SCN3B: variants seen among roughly 807,000 people sequenced by gnomAD.
SCN3B encodes sodium voltage-gated channel beta subunit 3, also known as sodium channel regulatory subunit beta-3.
SCN3B carries 11 observed loss-of-function variants against 25.4 expected under a neutral mutation model. That is an observed-to-expected ratio of 0.43 (90% CI 0.27 to 0.72). The LOEUF is 0.72. Ranked by LOEUF, SCN3B falls within the 30% of genes least tolerant of loss-of-function variation. SCN3B has a pLI of 0.18. For missense variants in SCN3B, 218 were observed against 278.3 expected, an observed-to-expected ratio of 0.78 and a Z score of 1.54; for synonymous variants, 109 against 110.7, an observed-to-expected ratio of 0.99 and a Z score of 0.09.
In SCN3B at chr11:123,634,103, C is replaced by T. The variant is rs748142517; in HGVS notation, c.*22+18G>A. 1.9e-6 allele frequency: 3 copies of T among 1,591,398 alleles called. No individual in the cohort carries two copies. The highest frequency in any genetic ancestry group is 2.6e-6 in the Non-Finnish European group (3 of 1,159,696). On this transcript the variant is annotated intron_variant, in intron 6 of 6. Coordinates refer to ENST00000299333, the MANE Select transcript of SCN3B (RefSeq NM_001040151.2). The stretch of plus-strand genomic sequence containing the variant: ...GCCATCCACATCTGCCTTCCCCTCC[C>T]ATGTTCCTGTAGGTCACCTCATGTC...
In SCN3B at chr11:123,642,706, G is replaced by A. The variant is rs1304433340; in HGVS notation, c.220-35C>T. The A allele has an allele frequency of 6.5e-7, 1 of 1,549,732 alleles. No homozygotes were observed. Among genetic ancestry groups the A allele is most frequent in the South Asian group, 1.1e-5 (1 of 89,656 alleles). Reference sequence around the variant, plus strand: ...GAGGAGCAGAAGAGGGTAGGGCCAGGAAAGGAGATGGCAGTGGGGGGAAGC... The same window carrying A: ...GAGGAGCAGAAGAGGGTAGGGCCAGAAAAGGAGATGGCAGTGGGGGGAAGC... On this transcript the variant is annotated intron_variant, in intron 3 of 6. Transcript: ENST00000299333. This position sits in a 1 kb window ranked among gnomAD's most constrained non-coding sequence, Gnocchi z 4.3.
chr11:123,630,638 CATT>C lies in SCN3B; in HGVS notation c.*3158_*3160del, dbSNP rs1323493641. On this transcript the variant is annotated 3_prime_UTR_variant, in exon 7 of 7. Coordinates refer to ENST00000299333, the MANE Select transcript of SCN3B (RefSeq NM_001040151.2). ...TCACAGTACCTTATTGATTTACAGT[CATT>C]ATCAAATCTCCCAGGAAGGAGTTTA... 2 of 152,346 alleles carry C rather than the reference CATT, an allele frequency of 1.3e-5. No individual in the cohort carries two copies. The highest frequency in any genetic ancestry group is 2.9e-5 in the Non-Finnish European group (2 of 68,032). 9.4% of individuals were successfully genotyped at this position (152,346 alleles called of 1,614,324 possible).
At chr11:123,649,192 G>A (rs1955889578) in intron 2 of SCN3B, among the ~76,000 whole-genome samples, 2 of 152,200 alleles carry the variant, frequency 1.3e-5, no homozygotes, top group African/African-American at 4.8e-5. Context: ...TAACATCTTT[G>A]AAAAGGTGAG....
At position 123,629,694 on chromosome 11, in the gene SCN3B, GAA is replaced by G. The variant is rs946893887; in HGVS notation, c.*4103_*4104del. 7.0e-4 allele frequency: 107 copies of G among 152,224 alleles called. No homozygotes were observed. The highest frequency in any genetic ancestry group is 2.5e-3 in the African/African-American group (102 of 41,452). 9.4% of individuals were successfully genotyped at this position (152,224 alleles called of 1,614,324 possible). The stretch of plus-strand genomic sequence containing the variant: ...GAGTGGGTGCAAAAAGATGTTAGTA[GAA>G]TGAGTGGATGATCAGACTGGCAAGC... On this transcript the variant is annotated 3_prime_UTR_variant, in exon 7 of 7. Coordinates refer to ENST00000299333, the MANE Select transcript of SCN3B (RefSeq NM_001040151.2).
At position 123,653,907 on chromosome 11, in the gene SCN3B, A is replaced by AG. The variant is rs910551983; in HGVS notation, c.-25-82dup. 40 of 1,315,870 alleles carry AG rather than the reference A, an allele frequency of 3.0e-5. No homozygotes were observed. The African/African-American group carries it at 4.9e-4, about 16-fold the overall frequency. 81.5% of individuals were successfully genotyped at this position (1,315,870 alleles called of 1,614,324 possible). A position where few individuals can be genotyped will look rare whatever the true frequency, so the allele number is the denominator to read the frequency against. ...AAACCCTTTGGGACGAACTGCCCCC[A>AG]GGGGGCGACTTTCTGACCGAAGGAA... is the stretch of plus-strand genomic sequence containing the variant. On this transcript the variant is annotated intron_variant, in intron 1 of 6. Transcript: ENST00000299333.
chr11:123,633,982 C>T lies in SCN3B; in HGVS notation c.*22+139G>A, dbSNP rs532193757. 2.2e-4 allele frequency: 151 copies of T among 680,302 alleles called. 2 individuals carry two copies. Among genetic ancestry groups the T allele is most frequent in the South Asian group, 1.4e-3 (90 of 63,884 alleles). The allele number at this position is 680,302 out of a possible 1,614,324, so 42.1% of individuals were successfully genotyped here. ...AGAGCTTTCTGACTTAAAGAATTAC[C>T]CTGAGGGCGGGGACCCCAGGCAGGG... On this transcript the variant is annotated intron_variant, in intron 6 of 6. Transcript: ENST00000299333.
chr11:123,630,462 TATTA>T lies in SCN3B; in HGVS notation c.*3333_*3336del, dbSNP rs1429322101. The T allele has an allele frequency of 6.6e-6, 1 of 152,626 alleles. No homozygotes were observed. Among genetic ancestry groups the T allele is most frequent in the Non-Finnish European group, 1.5e-5 (1 of 68,042 alleles). The allele number at this position is 152,626 out of a possible 1,614,324, so 9.5% of individuals were successfully genotyped here. A position where few individuals can be genotyped will look rare whatever the true frequency, so the allele number is the denominator to read the frequency against. On this transcript the variant is annotated 3_prime_UTR_variant, in exon 7 of 7. Coordinates refer to ENST00000299333, the MANE Select transcript of SCN3B (RefSeq NM_001040151.2). The stretch of plus-strand genomic sequence containing the variant: ...ACAACAGATGGGGTTTCTAAAGTGA[TATTA>T]ATAGCCCTTGAGAACTCTTCTAAGC...
At chr11:123,644,069 C>T (rs1392048668) in intron 3 of SCN3B, among the ~76,000 whole-genome samples, 6 of 152,210 alleles carry the variant, frequency 3.9e-5, no homozygotes, top group Admixed American at 3.3e-4. Flanking sequence ...AAACTTGCCC[C>T]CAGGAAGGCA....
intron 5 of SCN3B, among the ~76,000 whole-genome samples, chr11:123,636,076 C>T (rs1955721525): frequency 6.6e-6 from 1 of 152,060 alleles, no homozygotes; most frequent in South Asian, 2.1e-4. Flanking sequence ...CATCTAGTTA[C>T]GTTTAAAGTC....
intron 2 of SCN3B, among the ~76,000 whole-genome samples, chr11:123,647,097 A>G (rs970341671): frequency 3.3e-5 from 5 of 152,208 alleles, no homozygotes; most frequent in Non-Finnish European, 7.3e-5. Context: ...TGCAATAAAG[A>G]AAGAATTTTA....
rs1370357569 is a variant in SCN3B, at chr11:123,630,443, G to T, written c.*3356C>A. ...GGAAATATCCAGCACCAAGACAACA[G>T]ATGGGGTTTCTAAAGTGATATTAAT... On this transcript the variant is annotated 3_prime_UTR_variant, in exon 7 of 7. Coordinates refer to ENST00000299333, the MANE Select transcript of SCN3B (RefSeq NM_001040151.2). 6.6e-6 allele frequency: 1 copy of T among 152,642 alleles called. No individual in the cohort carries two copies. Among genetic ancestry groups the T allele is most frequent in the African/African-American group, 2.4e-5 (1 of 41,444 alleles). The allele number at this position is 152,642 out of a possible 1,614,324, so 9.5% of individuals were successfully genotyped here.
At chr11:123,654,148 C>G (rs1955965223) in intron 1 of SCN3B, 78 bp downstream of exon 1, 1 of 434,004 alleles carries the variant, frequency 2.3e-6, no homozygotes, top group African/African-American at 2.0e-5. Flanking sequence ...TCGTTTGCGC[C>G]CAGGGTAAGC....
chr11:123,654,589 T>C lies in SCN3B; in HGVS notation c.-389A>G, dbSNP rs940695276. On this transcript the variant is annotated 5_prime_UTR_variant, in exon 1 of 7. Transcript: ENST00000299333. ...CCCTTCTCTAGGCCCCCAGGCCGTG[T>C]GTGCTGTCAGCCCTGACATGCGCAG... 38 of 152,828 alleles carry C rather than the reference T, an allele frequency of 2.5e-4. No homozygotes were observed. The highest frequency in any genetic ancestry group is 9.2e-4 in the African/African-American group (38 of 41,460). 9.5% of individuals were successfully genotyped at this position (152,828 alleles called of 1,614,324 possible). A position where few individuals can be genotyped will look rare whatever the true frequency, so the allele number is the denominator to read the frequency against.
intron 3 of SCN3B, among the ~76,000 whole-genome samples, chr11:123,643,466 T>A (rs946752162): frequency 1.2e-4 from 19 of 152,256 alleles, no homozygotes; most frequent in Admixed American, 1.2e-3. Context: ...ACTAGCCACA[T>A]GTAGCTACTT....
chr11:123,648,079 A>C (rs533848800), intron 2 of SCN3B, among the ~76,000 whole-genome samples: 2 of 152,344 alleles, frequency 1.3e-5, no homozygotes, highest in African/African-American at 4.8e-5. Context: ...GTGAGTGGGC[A>C]GAGGGGTAGA....
At chr11:123,647,378 G>A (rs960460117) in intron 2 of SCN3B, among the ~76,000 whole-genome samples, 4 of 152,094 alleles carry the variant, frequency 2.6e-5, no homozygotes, top group African/African-American at 9.7e-5. Context: ...CAACCACTCA[G>A]GAGGTAAGAG....
intron 6 of SCN3B, 74 bp downstream of exon 6, chr11:123,634,047 G>A (rs1955699232): frequency 3.2e-6 from 4 of 1,243,676 alleles, no homozygotes; most frequent in Non-Finnish European, 2.3e-6. Flanking sequence ...AGTCACTTCA[G>A]TTGTGGGCAA....
chr11:123,647,195 G>A (rs1352602871), intron 2 of SCN3B, among the ~76,000 whole-genome samples: 1 of 152,144 alleles, frequency 6.6e-6, no homozygotes, highest in Non-Finnish European at 1.5e-5. Flanking sequence ...GTAAGACGAG[G>A]CCAGGTGCTG....
rs1236531152 is a variant in SCN3B, at chr11:123,641,525, G to C, written c.445+921C>G. Among the ~76,000 whole-genome samples, 4 of 152,206 alleles carry C rather than the reference G, an allele frequency of 2.6e-5. No individual in the cohort carries two copies. The South Asian group carries it at 6.2e-4, about 24-fold the overall frequency. On this transcript the variant is annotated intron_variant, in intron 4 of 6. Coordinates refer to ENST00000299333, the MANE Select transcript of SCN3B (RefSeq NM_001040151.2). The stretch of plus-strand genomic sequence containing the variant: ...CTAGGAAGAGCCCTGTCTTTAACTT[G>C]ATCTTTTCCTTCATGCCCCACACTT...
Sources: gnomAD v4.1 joint callset for allele counts (sites outside exome capture counted in the v4.1 genomes callset) on GRCh38, gnomAD v4.1.1 for gene constraint, Gnocchi (gnomAD v3.1) non-coding constraint, MANE v1.5 for transcripts, NCBI Gene and HGNC (gene_info 2026-07-23, HGNC 2026-07-21) for gene names.